EXOC4: variants seen among roughly 807,000 people sequenced by gnomAD.
EXOC4 encodes the protein SEC8-like 1.
Under a neutral mutation model 107.2 loss-of-function variants are expected in EXOC4, and 71 were observed. The observed-to-expected ratio is 0.66, with a 90% CI of 0.55 to 0.81. EXOC4 has a LOEUF of 0.81. EXOC4 is among the 30% of genes least tolerant of loss of function. The pLI is 0.00. For synonymous variants in EXOC4, 456 were observed against 441.2 expected (o/e 1.03, Z -0.42); for missense variants, 1,108 against 1,189.6 (o/e 0.93, Z 1.01).
At chr7:133,741,575 G>T (rs1184301816) in intron 10 of EXOC4, among the ~76,000 whole-genome samples, 1 of 152,108 alleles carries the variant, frequency 6.6e-6, no homozygotes, top group Non-Finnish European at 1.5e-5. Flanking sequence ...TACCATCTGG[G>T]ACATAGTTGG....
chr7:133,963,055 A>G (rs1800982644), intron 14 of EXOC4, among the ~76,000 whole-genome samples: 3 of 152,262 alleles, frequency 2.0e-5, no homozygotes, highest in Admixed American at 2.0e-4. Flanking sequence ...TGGCAGCATG[A>G]TAAAAACAGG....
chr7:134,097,550 C>T, the EXOC4 span, among the ~76,000 whole-genome samples: 2 of 152,088 alleles, frequency 1.3e-5, no homozygotes, highest in African/African-American at 4.8e-5. Flanking sequence ...CCTTGGTTCA[C>T]GCTAATGGAA....
At chr7:133,269,234 T>C (rs1314833532) in intron 1 of EXOC4, among the ~76,000 whole-genome samples, 1 of 152,200 alleles carries the variant, frequency 6.6e-6, no homozygotes, top group Non-Finnish European at 1.5e-5. Context: ...ATATGAACTG[T>C]GGCTTGATGA....
intron 7 of EXOC4, among the ~76,000 whole-genome samples, chr7:133,429,183 G>C (rs1797795863): frequency 6.6e-6 from 1 of 152,148 alleles, no homozygotes; most frequent in Admixed American, 6.5e-5. Flanking sequence ...TAGAATATTA[G>C]AGAAAGAATT....
intron 14 of EXOC4, among the ~76,000 whole-genome samples, chr7:133,965,123 GTCT>G (rs1336449754): frequency 6.6e-6 from 1 of 152,176 alleles, no homozygotes; most frequent in Non-Finnish European, 1.5e-5. Context: ...CTGCATGAAT[GTCT>G]TCTTTTGAGA....
At chr7:133,928,736 G>A (rs1021646512) in intron 13 of EXOC4, among the ~76,000 whole-genome samples, 7 of 151,990 alleles carry the variant, frequency 4.6e-5, no homozygotes, top group Non-Finnish European at 1.0e-4. Flanking sequence ...GAAGAGGCCA[G>A]AGAACTAAAA....
chr7:133,864,404 C>G (rs1374132655), intron 11 of EXOC4, among the ~76,000 whole-genome samples: 1 of 152,188 alleles, frequency 6.6e-6, no homozygotes, highest in African/African-American at 2.4e-5. Context: ...GTTCTTCTCA[C>G]TCTACTACAC....
chr7:134,094,907 G>GAAC, the EXOC4 span, among the ~76,000 whole-genome samples: 1 of 151,972 alleles, frequency 6.6e-6, no homozygotes, highest in Non-Finnish European at 1.5e-5. Context: ...GTGGAACAAG[G>GAAC]ATGCCTACTC....
intron 9 of EXOC4, among the ~76,000 whole-genome samples, chr7:133,589,855 C>A (rs1801498258): frequency 6.6e-6 from 1 of 152,150 alleles, no homozygotes; most frequent in Non-Finnish European, 1.5e-5. Flanking sequence ...GACATTATCT[C>A]CATCATCTTT....
chr7:134,076,705 G>A, the EXOC4 span, among the ~76,000 whole-genome samples: 3 of 147,108 alleles, frequency 2.0e-5, no homozygotes, highest in East Asian at 2.0e-4. Flanking sequence ...ATCTATAATT[G>A]TATATATATA....
intron 9 of EXOC4, among the ~76,000 whole-genome samples, chr7:133,586,235 C>G (rs1469432653): frequency 6.6e-6 from 1 of 152,126 alleles, no homozygotes; most frequent in Non-Finnish European, 1.5e-5. Context: ...TCACCTTCCT[C>G]CTTTCCTCCA....
At chr7:133,906,115 C>T (rs967846887) in intron 12 of EXOC4, among the ~76,000 whole-genome samples, 9 of 152,116 alleles carry the variant, frequency 5.9e-5, no homozygotes, top group South Asian at 2.1e-4. Flanking sequence ...AGAAGGAGTA[C>T]ATGATCGAAG....
At chr7:133,537,355 C>T (rs1723584792) in intron 9 of EXOC4, among the ~76,000 whole-genome samples, 2 of 70 alleles carry the variant, frequency 0.029, no homozygotes, top group South Asian at 0.5. Flanking sequence ...ATGGGGTTTC[C>T]CCATATTGGG....
intron 11 of EXOC4, among the ~76,000 whole-genome samples, chr7:133,863,453 A>G (rs1458297937): frequency 6.6e-6 from 1 of 152,218 alleles, no homozygotes; most frequent in Non-Finnish European, 1.5e-5. Flanking sequence ...CAGTAACCAT[A>G]TACTGTGGTA....
chr7:133,711,279 A>G (rs548382712), intron 10 of EXOC4, among the ~76,000 whole-genome samples: 140 of 152,308 alleles, frequency 9.2e-4, no homozygotes, highest in African/African-American at 3.1e-3. Context: ...TCTGTCTGCA[A>G]TGGGCCACTA....
intron 10 of EXOC4, among the ~76,000 whole-genome samples, chr7:133,679,538 GTCCGTCCA>G (rs1222008809): frequency 2.9e-4 from 41 of 143,146 alleles, no homozygotes; most frequent in South Asian, 9.6e-4. Context: ...CCATCCGTCC[GTCCGTCCA>G]TCCATCCATC....
In EXOC4 at chr7:133,480,080, G is replaced by A; in HGVS notation, c.1359G>A (p.Met453Ile). The change falls in exon 9 of 18, where the codon ATG (methionine) becomes ATA (isoleucine). Residue 453 changes from methionine (M) to isoleucine (I), a missense_variant. Transcript: ENST00000253861. ...AATCGTCCTCCCATGCCATCAGTATGAGCGCCTATCTGCGAGAACAGAGAA... is the reference window on the plus strand; with the variant it reads ...AATCGTCCTCCCATGCCATCAGTATAAGCGCCTATCTGCGAGAACAGAGAA... ...KFESSSHAIS[M>I]SAYLREQRRE... The A allele has an allele frequency of 6.2e-7, 1 of 1,614,002 alleles. No individual in the cohort carries two copies. The highest frequency in any genetic ancestry group is 1.1e-5 in the South Asian group (1 of 91,074).
At chr7:133,593,169 G>A (rs1801589433) in intron 9 of EXOC4, among the ~76,000 whole-genome samples, 1 of 152,228 alleles carries the variant, frequency 6.6e-6, no homozygotes, top group Admixed American at 6.5e-5. Context: ...GGTATGAACA[G>A]TTGTCAATTC....
At chr7:133,635,279 A>C (rs1486358371) in intron 10 of EXOC4, among the ~76,000 whole-genome samples, 1 of 152,204 alleles carries the variant, frequency 6.6e-6, no homozygotes, top group East Asian at 1.9e-4. Context: ...TATATAATGT[A>C]GTCTTTTCAG....
Sources: allele counts gnomAD v4.1 joint callset (sites outside exome capture counted in the v4.1 genomes callset), GRCh38; gene constraint gnomAD v4.1.1; transcripts MANE v1.5; gene names NCBI Gene and HGNC (gene_info 2026-07-23, HGNC 2026-07-21).